The following L3MBTL4 variants were observed in gnomAD, a reference collection of about 807,000 sequenced individuals.
The protein encoded by L3MBTL4 is L3MBTL histone methyl-lysine binding protein 4.
A neutral mutation model predicts 84.5 loss-of-function variants in L3MBTL4; 70 were observed. The ratio of observed to expected loss-of-function variants is 0.83; its 90% CI spans 0.68 to 1.01. L3MBTL4 has a LOEUF of 1.01. Ranked by LOEUF, L3MBTL4 falls within the 50% of genes least tolerant of loss-of-function variation. L3MBTL4 has a pLI of 0.00. For missense variants in L3MBTL4, 715 were observed against 754.8 expected (o/e 0.95, Z 0.62); for synonymous variants, 274 against 259.8 (o/e 1.05, Z -0.52).
chr18:6,189,799 A>C (rs1188525232), intron 12 of L3MBTL4, among the ~76,000 whole-genome samples: 1 of 152,212 alleles, frequency 6.6e-6, no homozygotes, highest in African/African-American at 2.4e-5. Context: ...GGCAAGTGGC[A>C]TAAAAGACAG....
At chr18:6,195,821 T>C (rs1033616797) in intron 12 of L3MBTL4, among the ~76,000 whole-genome samples, 4 of 152,166 alleles carry the variant, frequency 2.6e-5, no homozygotes, top group African/African-American at 9.7e-5. Flanking sequence ...TGTACCAGAA[T>C]AAGAGAGCAG....
At chr18:5,961,306 G>A (rs1205627016) in intron 17 of L3MBTL4, among the ~76,000 whole-genome samples, 3 of 152,182 alleles carry the variant, frequency 2.0e-5, no homozygotes, top group East Asian at 1.9e-4. Context: ...TGACGGTGCA[G>A]GAGACAGCAC....
chr18:6,023,617 A>G (rs75239814), intron 16 of L3MBTL4, among the ~76,000 whole-genome samples: 1,824 of 152,338 alleles, frequency 0.012, 29 homozygotes, highest in African/African-American at 0.042. Context: ...ATGTAAAAAG[A>G]AGGGGAGAGT....
At chr18:5,966,585 T>C (rs2052365559) in intron 17 of L3MBTL4, among the ~76,000 whole-genome samples, 1 of 152,190 alleles carries the variant, frequency 6.6e-6, no homozygotes, top group African/African-American at 2.4e-5. Context: ...AACCTCTGCC[T>C]GCAGCCTTTA....
intron 1 of L3MBTL4, among the ~76,000 whole-genome samples, chr18:6,356,101 T>A (rs2053433777): frequency 6.6e-6 from 1 of 152,202 alleles, no homozygotes; most frequent in East Asian, 1.9e-4. Flanking sequence ...CTAATACAAG[T>A]CCTATGAGTC....
chr18:6,227,398 A>G (rs776334586), intron 10 of L3MBTL4, among the ~76,000 whole-genome samples: 1 of 152,238 alleles, frequency 6.6e-6, no homozygotes, highest in Non-Finnish European at 1.5e-5. Context: ...GGAGGGGAAA[A>G]TTATGTTTTA....
At chr18:6,367,678 G>A (rs1477242843) in intron 1 of L3MBTL4, 1 of 152,456 alleles carries the variant, frequency 6.6e-6, no homozygotes, top group Non-Finnish European at 1.5e-5. Flanking sequence ...CCTAAAGTCA[G>A]AGCACTCAGA....
intron 5 of L3MBTL4, among the ~76,000 whole-genome samples, chr18:6,250,366 A>G (rs1311803875): frequency 6.6e-6 from 1 of 152,178 alleles, no homozygotes; most frequent in African/African-American, 2.4e-5. Context: ...CCTAAAAGCA[A>G]TAATTATTAT....
intron 16 of L3MBTL4, among the ~76,000 whole-genome samples, chr18:5,974,775 G>C (rs1756978072): frequency 6.6e-6 from 1 of 152,178 alleles, no homozygotes; most frequent in Admixed American, 6.5e-5. Flanking sequence ...GACCAGACTT[G>C]ACAACACGGT....
chr18:6,400,697 A>G (rs1433114388), intron 1 of L3MBTL4, among the ~76,000 whole-genome samples: 1 of 152,128 alleles, frequency 6.6e-6, no homozygotes, highest in Non-Finnish European at 1.5e-5. Context: ...CAGGCGTGAG[A>G]CACCACACCC....
At chr18:6,259,245 G>T in intron 5 of L3MBTL4, 1 of 152,446 alleles carries the variant, frequency 6.6e-6, no homozygotes. Context: ...AAACAGAACA[G>T]GAACAACAAT....
intron 4 of L3MBTL4, among the ~76,000 whole-genome samples, chr18:6,277,673 T>C (rs1408351849): frequency 1.3e-5 from 2 of 152,170 alleles, no homozygotes; most frequent in African/African-American, 4.8e-5. Context: ...TTCAGTAGGA[T>C]TTTTCAGTTT....
chr18:6,032,415 C>CA, intron 16 of L3MBTL4: 1 of 628,456 alleles, frequency 1.6e-6, no homozygotes, highest in Non-Finnish European at 2.0e-6. Context: ...CACACACACA[C>CA]AATCTGCATC....
At chr18:6,283,945 A>C (rs146177999) in intron 4 of L3MBTL4, among the ~76,000 whole-genome samples, 1 of 152,352 alleles carries the variant, frequency 6.6e-6, no homozygotes, top group African/African-American at 2.4e-5. Flanking sequence ...AAAAGGTAAG[A>C]TTTCTAAAAG....
intron 1 of L3MBTL4, among the ~76,000 whole-genome samples, chr18:6,333,398 C>T (rs1332528333): frequency 6.6e-6 from 1 of 152,018 alleles, no homozygotes; most frequent in Non-Finnish European, 1.5e-5. Context: ...CATGGTGAAA[C>T]CCCATCTCTA....
intron 16 of L3MBTL4, among the ~76,000 whole-genome samples, chr18:6,037,401 C>A (rs956569079): frequency 1.3e-5 from 2 of 152,208 alleles, no homozygotes; most frequent in Non-Finnish European, 2.9e-5. Flanking sequence ...AGTTCCAAAA[C>A]AATTGCATCA....
intron 16 of L3MBTL4, among the ~76,000 whole-genome samples, chr18:6,035,947 T>C (rs977611795): frequency 2.6e-5 from 4 of 152,202 alleles, no homozygotes; most frequent in Non-Finnish European, 5.9e-5. Context: ...AAAACCTCCC[T>C]TGCTTTTAAA....
At chr18:6,351,555 TTTA>T (rs1440009967) in intron 1 of L3MBTL4, among the ~76,000 whole-genome samples, 187 of 148,338 alleles carry the variant, frequency 1.3e-3, no homozygotes, top group African/African-American at 4.6e-3. Context: ...ATGTGGATTT[TTTA>T]TTTTTTTTTT....
At chr18:6,279,115 C>T (rs2049216018) in intron 4 of L3MBTL4, among the ~76,000 whole-genome samples, 1 of 151,876 alleles carries the variant, frequency 6.6e-6, no homozygotes, top group Admixed American at 6.6e-5. Flanking sequence ...AGTAGCATAA[C>T]CAGAATAGAA....
Sources: gnomAD v4.1 joint callset for allele counts (sites outside exome capture counted in the v4.1 genomes callset) on GRCh38, gnomAD v4.1.1 for gene constraint, MANE v1.5 for transcripts, NCBI Gene and HGNC (gene_info 2026-07-23, HGNC 2026-07-21) for gene names.